FCER2: variants seen among roughly 807,000 people sequenced by gnomAD.
The protein encoded by FCER2 is Fc epsilon receptor II.
FCER2 carries 38 observed loss-of-function variants against 49.7 expected under a neutral mutation model. The observed-to-expected ratio is 0.76, with a 90% CI of 0.59 to 1.00. FCER2 has a LOEUF of 1.00. FCER2 is among the 50% of genes least tolerant of loss of function. The pLI, the probability that FCER2 is intolerant of heterozygous loss-of-function variation, is 0.00. For synonymous variants in FCER2, 163 were observed against 164.6 expected (o/e 0.99, Z 0.07); for missense variants, 425 against 419.5 (o/e 1.01, Z -0.11).
At chr19:7,689,923 AC>A (rs1349418759) in intron 10 of FCER2, among the ~76,000 whole-genome samples, 3 of 151,588 alleles carry the variant, frequency 2.0e-5, no homozygotes, top group African/African-American at 7.3e-5. Context: ...GCCAAGACTC[AC>A]CCTTCTAATC....
At chr19:7,691,276 T>C (rs2032864053) in intron 8 of FCER2, among the ~76,000 whole-genome samples, 1 of 152,118 alleles carries the variant, frequency 6.6e-6, no homozygotes, top group South Asian at 2.1e-4. Flanking sequence ...AGCACTTCAG[T>C]TGTCATTATA....
chr19:7,694,974 A>C (rs1352693908), intron 8 of FCER2, among the ~76,000 whole-genome samples: 1 of 152,124 alleles, frequency 6.6e-6, no homozygotes, highest in Non-Finnish European at 1.5e-5. Flanking sequence ...AGATGAGACT[A>C]CAGGTACACA....
At chr19:7,691,636 C>T (rs1157315753) in intron 8 of FCER2, among the ~76,000 whole-genome samples, 2 of 152,106 alleles carry the variant, frequency 1.3e-5, no homozygotes, top group Admixed American at 6.6e-5. Flanking sequence ...AGCACTTCAA[C>T]CACCAACACC....
chr19:7,699,486 TTTTTTTC>T lies in FCER2; in HGVS notation c.22+246_22+252del. 3.0e-6 allele frequency: 4 copies of T among 1,353,554 alleles called. 1 individual carries two copies. Among genetic ancestry groups the T allele is most frequent in the Middle Eastern group, 4.0e-4 (2 of 5,044 alleles). 83.8% of individuals were successfully genotyped at this position (1,353,554 alleles called of 1,614,324 possible). ...CTCCCTAGCTGAAGCCGTTTTTTTT[TTTTTTTC>T]TTTTTCTTTTTTTGTCAGGAGGGTG... On this transcript the variant is annotated intron_variant, in intron 2 of 10. Coordinates refer to ENST00000597921, the MANE Select transcript of FCER2 (RefSeq NM_001220500.2).
chr19:7,698,710 G>A (rs933406092), intron 3 of FCER2, 31 bp downstream of exon 3: 1 of 1,606,564 alleles, frequency 6.2e-7, no homozygotes, highest in Non-Finnish European at 8.5e-7. Context: ...CATGAGTTGG[G>A]GGGACCACAT....
Position 7,690,237 on chromosome 19 carries a change from G to C in FCER2, c.650C>G (p.Thr217Ser), listed in dbSNP as rs2032822579. ...GTTCCGAAGGCCAATCCAGGAGCCG[G>C]TGTGGCTGGCATGCTTGGTCAGGAA... ...QDFLTKHASH[T>S]GSWIGLRNLD... is the part of the protein sequence containing the mutation. The change falls in exon 10 of 11, where the codon ACC (threonine) becomes AGC (serine). Residue 217 changes from threonine to serine, a missense_variant. Physicochemically the swap from Thr to Ser is moderately conservative, Grantham distance 58. Coordinates refer to ENST00000597921, the MANE Select transcript of FCER2 (RefSeq NM_001220500.2). 4 of 1,613,898 alleles carry C rather than the reference G, an allele frequency of 2.5e-6. No individual in the cohort carries two copies. Among genetic ancestry groups the C allele is most frequent in the Non-Finnish European group, 3.4e-6 (4 of 1,179,906 alleles).
Position 7,688,809 on chromosome 19 carries a change from A to T in FCER2, c.*384T>A. The T allele has an allele frequency of 4.9e-6, 1 of 205,406 alleles. No homozygotes were observed. The highest frequency in any genetic ancestry group is 1.2e-4 in the East Asian group (1 of 8,126). 12.7% of individuals were successfully genotyped at this position (205,406 alleles called of 1,614,324 possible). On this transcript the variant is annotated 3_prime_UTR_variant, in exon 11 of 11. Coordinates refer to ENST00000597921, the MANE Select transcript of FCER2 (RefSeq NM_001220500.2). ...CATCACTGCCCCATTTTATTGATGC[A>T]GGCTGGACAGGAGGACTCACCACCT...
intron 10 of FCER2, 151 bp from the exon 11 acceptor site, chr19:7,689,581 C>T: frequency 3.3e-6 from 2 of 597,576 alleles, no homozygotes; most frequent in Non-Finnish European, 6.0e-6. Context: ...GTGCCCCATA[C>T]CCTGCAGCCC....
chr19:7,699,715 G>T (rs111370170), intron 2 of FCER2, 24 bp downstream of exon 2: 2 of 1,611,686 alleles, frequency 1.2e-6, no homozygotes, highest in Non-Finnish European at 1.7e-6. Flanking sequence ...TTCTGCCAAC[G>T]TTAGAACCAG....
rs1230428038 is a variant in FCER2, at chr19:7,690,515, TG to T, written c.511del (p.Gln171AsnfsTer40). Reference sequence around the variant, plus strand: ...CTTGCCGAAGTAGTAGCACTTCCGTTGGAAATTGATCCACTTTTCAGGGCAC... The same window carrying T: ...CTTGCCGAAGTAGTAGCACTTCCGTTGAAATTGATCCACTTTTCAGGGCAC... ...NTCPEKWINF[Q>X]RKCYYFGKGT... On this transcript the variant is annotated frameshift_variant, in exon 9 of 11. Transcript: ENST00000597921. LOFTEE classifies it high-confidence loss of function. The T allele has an allele frequency of 1.9e-6, 3 of 1,614,058 alleles. No individual in the cohort carries two copies. In the South Asian group the frequency reaches 3.3e-5, roughly 18 times the overall value.
chr19:7,692,065 C>T (rs1398655989), intron 8 of FCER2, among the ~76,000 whole-genome samples: 2 of 99,922 alleles, frequency 2.0e-5, no homozygotes, highest in African/African-American at 4.8e-5. Flanking sequence ...ACCATCACCA[C>T]GAGCACATTC....
Position 7,688,921 on chromosome 19 carries a change from A to C in FCER2, c.*272T>G. On this transcript the variant is annotated 3_prime_UTR_variant, in exon 11 of 11. Transcript: ENST00000597921. ...TGTTGGGGTGTACTCTCATCTGGAG[A>C]GGGTGCTGTTGGGGTGTACTCTCAT... The C allele has an allele frequency of 2.2e-6, 1 of 448,920 alleles. No homozygotes were observed. Among genetic ancestry groups the C allele is most frequent in the Non-Finnish European group, 4.1e-6 (1 of 245,632 alleles). 27.8% of individuals were successfully genotyped at this position (448,920 alleles called of 1,614,324 possible).
intron 8 of FCER2, among the ~76,000 whole-genome samples, chr19:7,693,267 G>A (rs1325968311): frequency 6.6e-6 from 1 of 152,160 alleles, no homozygotes; most frequent in Non-Finnish European, 1.5e-5. Flanking sequence ...CTGGGAAATT[G>A]TGATGATTTT....
In FCER2 at chr19:7,698,861, G is replaced by T. The variant is rs780346824; in HGVS notation, c.23-7C>A. ...CTGGGAAGCTCCTCGATCTCTGCCG[G>T]GGGTGGAGGGACTGACTATGGGTGC... On this transcript the variant is annotated splice_region_variant and splice_polypyrimidine_tract_variant and intron_variant, in intron 2 of 10. Coordinates refer to ENST00000597921, the MANE Select transcript of FCER2 (RefSeq NM_001220500.2). 82 of 1,578,682 alleles carry T rather than the reference G, an allele frequency of 5.2e-5. No homozygotes were observed. The highest frequency in any genetic ancestry group is 1.7e-6 in the Non-Finnish European group (2 of 1,165,088).
At chr19:7,694,474 A>G (rs1461588455) in intron 8 of FCER2, among the ~76,000 whole-genome samples, 2 of 152,208 alleles carry the variant, frequency 1.3e-5, no homozygotes, top group African/African-American at 2.4e-5. Flanking sequence ...TGTTTGTTAC[A>G]TAGTCACCCA....
intron 8 of FCER2, among the ~76,000 whole-genome samples, chr19:7,696,481 C>A (rs1048500175): frequency 7.9e-5 from 12 of 152,096 alleles, no homozygotes; most frequent in Admixed American, 2.6e-4. Context: ...GGTGATCCAC[C>A]CGCCTCGGCC....
At chr19:7,689,474 G>A (rs558024931) in intron 10 of FCER2, 44 bp from the exon 11 acceptor site, 1 of 1,303,738 alleles carries the variant, frequency 7.7e-7, no homozygotes, top group Non-Finnish European at 1.1e-6. Context: ...CGGGGAGAAG[G>A]AGCCCAGTTC....
intron 8 of FCER2, among the ~76,000 whole-genome samples, chr19:7,695,715 A>G (rs1156597758): frequency 1.3e-5 from 2 of 152,102 alleles, no homozygotes; most frequent in African/African-American, 4.8e-5. Flanking sequence ...CCAGGAGTTC[A>G]AGACCAACCT....
chr19:7,689,507 C>T, intron 10 of FCER2, 77 bp from the exon 11 acceptor site: 1 of 891,040 alleles, frequency 1.1e-6, no homozygotes, highest in Non-Finnish European at 1.7e-6. Flanking sequence ...TGAGTCTGCA[C>T]CCTCCCTTCT....
Sources: gnomAD v4.1 joint callset for allele counts (sites outside exome capture counted in the v4.1 genomes callset) on GRCh38, gnomAD v4.1.1 for gene constraint, MANE v1.5 for transcripts, NCBI Gene and HGNC (gene_info 2026-07-23, HGNC 2026-07-21) for gene names.